PREX2: variants seen among roughly 807,000 people sequenced by gnomAD.
PREX2 encodes phosphatidylinositol 3,4,5-trisphosphate-dependent Rac exchanger 2 protein.
PREX2 carries 107 observed loss-of-function variants against 203.2 expected under a neutral mutation model. The ratio of observed to expected loss-of-function variants is 0.53; its 90% CI spans 0.45 to 0.62. The LOEUF (loss-of-function observed/expected upper bound fraction) is 0.62, where lower values mean the gene tolerates loss of function less well. Ranked by LOEUF, PREX2 falls within the 20% of genes least tolerant of loss-of-function variation. The pLI, the probability that PREX2 is intolerant of heterozygous loss-of-function variation, is 0.00. For missense variants in PREX2, 1,777 were observed against 1,955.9 expected, an observed-to-expected ratio of 0.91 and a Z score of 1.72; for synonymous variants, 672 against 663.6, an observed-to-expected ratio of 1.01 and a Z score of -0.19.
At chr8:68,083,098 T>A (rs963622978) in intron 17 of PREX2, 142 bp from the exon 18 acceptor site, 7 of 576,000 alleles carry the variant, frequency 1.2e-5, no homozygotes, top group African/African-American at 1.9e-5. Flanking sequence ...TTCTGCTTTG[T>A]GAATTTGTAT....
At position 68,049,266 on chromosome 8, in the gene PREX2, G is replaced by C. The variant is rs527551643; in HGVS notation, c.944-3831G>C. Reference sequence around the variant, plus strand: ...TTATGAAGAAATTATAAGTTTTAAAGTTTCCCTTAGAAATTTATGCATCCA... The same window carrying C: ...TTATGAAGAAATTATAAGTTTTAAACTTTCCCTTAGAAATTTATGCATCCA... On this transcript the variant is annotated intron_variant, in intron 8 of 39. Coordinates refer to ENST00000288368, the MANE Select transcript of PREX2 (RefSeq NM_024870.4). 2.6e-5 allele frequency among the ~76,000 whole-genome samples: 4 copies of C among 151,852 alleles called. No individual in the cohort carries two copies. In the East Asian group the frequency reaches 7.7e-4, roughly 29 times the overall value.
At position 68,204,977 on chromosome 8, in the gene PREX2, G is replaced by A. The variant is rs915335237; in HGVS notation, c.4604+12452G>A. Among the ~76,000 whole-genome samples the A allele has an allele frequency of 3.9e-5, 6 of 152,000 alleles. No homozygotes were observed. The East Asian group carries it at 5.8e-4, about 15-fold the overall frequency. ...ATTACAGGCATGAGCCACCACGCCC[G>A]GCCCCCTCTGCTTTCTTTTAAGCTA... On this transcript the variant is annotated intron_variant, in intron 37 of 39. Coordinates refer to ENST00000288368, the MANE Select transcript of PREX2 (RefSeq NM_024870.4).
rs776701097 is a variant in PREX2, at chr8:68,109,385, A to G, written c.2939-31A>G. Reference sequence around the variant, plus strand: ...TGTTATCGCAAGTTAAAGGTGATACATATTACTAAGGAATGACTTTAATTC... The same window carrying G: ...TGTTATCGCAAGTTAAAGGTGATACGTATTACTAAGGAATGACTTTAATTC... On this transcript the variant is annotated intron_variant, in intron 24 of 39. Coordinates refer to ENST00000288368, the MANE Select transcript of PREX2 (RefSeq NM_024870.4). 6 of 1,549,328 alleles carry G rather than the reference A, an allele frequency of 3.9e-6. No homozygotes were observed. In the South Asian group the frequency reaches 6.9e-5, roughly 18 times the overall value.
In PREX2 at chr8:68,217,862, C is replaced by T. The variant is rs1403472855; in HGVS notation, c.4707+144C>T. 7 of 498,980 alleles carry T rather than the reference C, an allele frequency of 1.4e-5. No homozygotes were observed. In the African/African-American group the frequency reaches 2.2e-4, roughly 15 times the overall value. The allele number at this position is 498,980 out of a possible 1,614,324, so 30.9% of individuals were successfully genotyped here. ...AGAGGTAACTCATGAATGAGAAATG[C>T]TCCCAGGGAGAAGATGCTGCAGGCA... On this transcript the variant is annotated intron_variant, in intron 38 of 39. Transcript: ENST00000288368.
chr8:68,178,087 C>A (rs1812017053), intron 35 of PREX2, among the ~76,000 whole-genome samples: 1 of 152,134 alleles, frequency 6.6e-6, no homozygotes, highest in African/African-American at 2.4e-5. Flanking sequence ...GTGAATAGTG[C>A]TGCAATGAAC....
At chr8:68,022,223 T>TA in intron 4 of PREX2, 83 bp downstream of exon 4, 1 of 731,046 alleles carries the variant, frequency 1.4e-6, no homozygotes, top group Non-Finnish European at 2.5e-6. Context: ...CAATATGGAG[T>TA]AAAAATCTGT....
At chr8:67,955,387 T>C (rs1282714342) in intron 1 of PREX2, among the ~76,000 whole-genome samples, 2 of 152,178 alleles carry the variant, frequency 1.3e-5, no homozygotes, top group African/African-American at 4.8e-5. Flanking sequence ...CACCGCTGTT[T>C]GAACAAAGCT....
intron 10 of PREX2, among the ~76,000 whole-genome samples, chr8:68,057,784 T>C (rs1441688869): frequency 1.3e-5 from 2 of 152,196 alleles, no homozygotes; most frequent in Admixed American, 1.3e-4. Context: ...CCAGGGGTCA[T>C]TTTTACCATT....
chr8:68,121,133 T>C, intron 30 of PREX2, 84 bp downstream of exon 30: 1 of 1,383,164 alleles, frequency 7.2e-7, no homozygotes, highest in Non-Finnish European at 1.0e-6. Context: ...TGGTAATGCC[T>C]GATTATTTTT....
intron 1 of PREX2, among the ~76,000 whole-genome samples, chr8:67,954,025 C>A (rs1805427462): frequency 6.6e-6 from 1 of 152,176 alleles, no homozygotes; most frequent in African/African-American, 2.4e-5. Context: ...TGCTAATTTG[C>A]AGAGACAGTT....
At chr8:68,162,782 C>G (rs942002659) in intron 35 of PREX2, among the ~76,000 whole-genome samples, 1 of 152,186 alleles carries the variant, frequency 6.6e-6, no homozygotes, top group Non-Finnish European at 1.5e-5. Flanking sequence ...GTGGTCTAGG[C>G]TCTGAGGACT....
At chr8:68,189,570 A>T (rs559900827) in intron 35 of PREX2, among the ~76,000 whole-genome samples, 1 of 152,312 alleles carries the variant, frequency 6.6e-6, no homozygotes, top group South Asian at 2.1e-4. Flanking sequence ...ATAATCCCTC[A>T]GTCTTTTATT....
At chr8:67,965,519 A>ATG (rs976829637) in intron 1 of PREX2, among the ~76,000 whole-genome samples, 2 of 151,678 alleles carry the variant, frequency 1.3e-5, no homozygotes, top group Non-Finnish European at 2.9e-5. Flanking sequence ...GTGTGTGTAT[A>ATG]TATATATATG....
At chr8:67,969,625 C>T (rs755944521) in intron 1 of PREX2, among the ~76,000 whole-genome samples, 2 of 152,138 alleles carry the variant, frequency 1.3e-5, no homozygotes, top group African/African-American at 4.8e-5. Context: ...CCATTTTCCA[C>T]CTAGGAAGGT....
rs976865442 is a variant in PREX2, at chr8:68,188,645, T to C, written c.4347-3077T>C. On this transcript the variant is annotated intron_variant, in intron 35 of 39. Coordinates refer to ENST00000288368, the MANE Select transcript of PREX2 (RefSeq NM_024870.4). ...GGCTGAAGGCAAATGAGGAGCAAGG[T>C]CACATCTTACATGGAGGCAGGCAAG... is the stretch of plus-strand genomic sequence containing the variant. Among the ~76,000 whole-genome samples the C allele has an allele frequency of 7.9e-5, 12 of 152,250 alleles. 1 individual carries two copies. The South Asian group carries it at 1.7e-3, about 21-fold the overall frequency.
intron 30 of PREX2, among the ~76,000 whole-genome samples, chr8:68,125,516 A>G (rs978648243): frequency 5.3e-5 from 8 of 152,122 alleles, no homozygotes; most frequent in Non-Finnish European, 1.2e-4. Flanking sequence ...AGCAGATTAA[A>G]CTGTGTGTAG....
At chr8:68,048,338 TTC>T (rs1174291873) in intron 8 of PREX2, among the ~76,000 whole-genome samples, 1 of 152,098 alleles carries the variant, frequency 6.6e-6, no homozygotes, top group African/African-American at 2.4e-5. Context: ...ATCATTAGTA[TTC>T]TCTCTTATGC....
chr8:68,226,166 ATT>A (rs1813053228), intron 39 of PREX2, among the ~76,000 whole-genome samples: 2 of 152,196 alleles, frequency 1.3e-5, no homozygotes, highest in Admixed American at 6.5e-5. Context: ...TTTAAAATTT[ATT>A]TTATTTATTC....
chr8:68,017,577 T>G (rs1015979134), intron 1 of PREX2, among the ~76,000 whole-genome samples: 12 of 152,206 alleles, frequency 7.9e-5, no homozygotes, highest in Non-Finnish European at 1.3e-4. Flanking sequence ...CTCTAAATGC[T>G]TACTTCACAA....
Sources: gnomAD v4.1 joint callset for allele counts (sites outside exome capture counted in the v4.1 genomes callset) on GRCh38, gnomAD v4.1.1 for gene constraint, MANE v1.5 for transcripts, NCBI Gene and HGNC (gene_info 2026-07-23, HGNC 2026-07-21) for gene names.